The following SALL2 variants were observed in gnomAD, a reference collection of about 807,000 sequenced individuals.
SALL2 encodes the protein spalt like transcription factor 2, also known as sal-like protein 2.
Under a neutral mutation model 58.5 loss-of-function variants are expected in SALL2, and 32 were observed. That is an observed-to-expected ratio of 0.55 (90% confidence interval 0.41 to 0.74). The LOEUF is 0.74. SALL2 is among the 30% of genes least tolerant of loss of function. The pLI, the probability that SALL2 is intolerant of heterozygous loss-of-function variation, is 0.00. For synonymous variants in SALL2, 516 were observed against 513.6 expected (o/e 1.00, Z -0.06); for missense variants, 1,201 against 1,268.9 (o/e 0.95, Z 0.81).
At chr14:21,526,539 A>T (rs1892321196), upstream of SALL2, 3 of 1,119,248 alleles carry the variant, frequency 2.7e-6, no homozygotes, top group South Asian at 7.0e-5. Flanking sequence ...GTCCCTGGCC[A>T]GCTCCCCCCA....
chr14:21,521,653 T>C lies in SALL2; in HGVS notation c.*1051A>G, dbSNP rs1034078765. ...ATAGGTACCAGCAAGCCCTATGTTCTAGCAACATTCCTTAACTCTCTCATC... is the reference window on the plus strand; with the variant it reads ...ATAGGTACCAGCAAGCCCTATGTTCCAGCAACATTCCTTAACTCTCTCATC... On this transcript the variant is annotated 3_prime_UTR_variant, in exon 2 of 2. Coordinates refer to ENST00000537235, the MANE Select transcript of SALL2 (RefSeq NM_001364564.1). 1.3e-5 allele frequency: 3 copies of C among 235,150 alleles called. No individual in the cohort carries two copies. Among genetic ancestry groups the C allele is most frequent in the South Asian group, 7.5e-5 (1 of 13,418 alleles). 14.6% of individuals were successfully genotyped at this position (235,150 alleles called of 1,614,324 possible).
At position 21,524,423 on chromosome 14, in the gene SALL2, G is replaced by A. The variant is rs751424491; in HGVS notation, c.1299C>T (p.His433=). The A allele has an allele frequency of 6.2e-7, 1 of 1,614,242 alleles. No individual in the cohort carries two copies. The highest frequency in any genetic ancestry group is 2.2e-5 in the East Asian group (1 of 44,892). The change falls in exon 2 of 2, where the codon CAC becomes CAT. Residue 433 remains histidine (H), a synonymous_variant. Coordinates refer to ENST00000537235, the MANE Select transcript of SALL2 (RefSeq NM_001364564.1). ...EKYPHVQMNP[H]PVPEHLDYVI... ...CATAGTCTAGGTGCTCTGGTACTGG[G>A]TGTGGGTTCATCTGCACATGTGGGT...
At chr14:21,528,195 G>C (rs1312513357), upstream of SALL2, among the ~76,000 whole-genome samples, 1 of 151,828 alleles carries the variant, frequency 6.6e-6, no homozygotes, top group African/African-American at 2.4e-5. Flanking sequence ...TTTAAAGTTT[G>C]GGGAGTCCTG....
chr14:21,533,572 T>G (rs1009054234), intron 1 of SALL2, among the ~76,000 whole-genome samples: 1 of 150,592 alleles, frequency 6.6e-6, no homozygotes, highest in African/African-American at 2.5e-5. Flanking sequence ...TAATCCAGAT[T>G]TCTAGACTCT....
At position 21,522,896 on chromosome 14, in the gene SALL2, G is replaced by C. The variant is rs376899745; in HGVS notation, c.2826C>G (p.Phe942Leu). The change falls in exon 2 of 2, where the codon TTC (phenylalanine) becomes TTG (leucine). Residue 942 changes from phenylalanine (F) to leucine (L), a missense_variant. Phe to Leu is a conservative substitution (Grantham distance 22). Transcript: ENST00000537235. Reference protein sequence around the residue: ...PKEGPLFTCVFCRQGFLERAT... With the variant: ...PKEGPLFTCVLCRQGFLERAT... ...CCCGCTCAAGAAAGCCCTGCCTGCA[G>C]AAAACACAAGTGAAGAGCGGCCCCT... The C allele has an allele frequency of 2.5e-6, 4 of 1,612,506 alleles. No individual in the cohort carries two copies. Among genetic ancestry groups the C allele is most frequent in the Middle Eastern group, 1.7e-4 (1 of 6,046 alleles).
In SALL2 at chr14:21,522,203, C is replaced by T. The variant is rs1892062999; in HGVS notation, c.*501G>A. 3.1e-6 allele frequency: 5 copies of T among 1,597,280 alleles called. No individual in the cohort carries two copies. Among genetic ancestry groups the T allele is most frequent in the Non-Finnish European group, 4.2e-6 (5 of 1,179,486 alleles). On this transcript the variant is annotated 3_prime_UTR_variant, in exon 2 of 2. Transcript: ENST00000537235. ...TGGAGGTGGAGCTGGAATTCCAGGG[C>T]TTCATGGGCAGGCCATTTGACAGGA...
intron 1 of SALL2, among the ~76,000 whole-genome samples, chr14:21,536,041 T>TA (rs1297073500): frequency 6.6e-6 from 1 of 152,162 alleles, no homozygotes; most frequent in Non-Finnish European, 1.5e-5. Context: ...CTCTGAGCAA[T>TA]TTCACTCTTC....
At position 21,523,354 on chromosome 14, in the gene SALL2, C is replaced by G. The variant is rs772661390; in HGVS notation, c.2368G>C (p.Gly790Arg). 17 of 1,613,562 alleles carry G rather than the reference C, an allele frequency of 1.1e-5. No homozygotes were observed. Among genetic ancestry groups the G allele is most frequent in the Non-Finnish European group, 1.4e-5 (16 of 1,180,042 alleles). Residue 790 changes from glycine to arginine, a missense_variant, in exon 2 of 2, where the codon GGT becomes CGT. This residue lies in a region of SALL2 where 675 missense variants were observed against 683.8 expected (regional missense o/e 0.99). Coordinates refer to ENST00000537235, the MANE Select transcript of SALL2 (RefSeq NM_001364564.1). The surrounding 1 kb of genome is among the most constrained non-coding windows in gnomAD (Gnocchi z 4.4). ...CCTCTCACTGATATTGCCTTCTCAC[C>G]TCCACTCTCTGAGCCTCTCCCTGCC... ...SLAGRGSESG[G>R]EKAISVRGDS...
intron 1 of SALL2, 60 bp downstream of exon 1, chr14:21,526,001 C>CGGGGGGGGGGGGGGGGGGGG: frequency 2.9e-6 from 4 of 1,389,786 alleles, no homozygotes; most frequent in Non-Finnish European, 3.9e-6. Context: ...AAAGTCTTCG[C>CGGGGGGGGGGGGGGGGGGGG]CGCCCCTGCG....
At position 21,522,945 on chromosome 14, in the gene SALL2, T is replaced by C. The variant is rs780167963; in HGVS notation, c.2777A>G (p.Glu926Gly). 6.2e-7 allele frequency: 1 copy of C among 1,614,024 alleles called. No individual in the cohort carries two copies. Among genetic ancestry groups the C allele is most frequent in the Admixed American group, 1.7e-5 (1 of 59,994 alleles). ...QAFPSQAALE[E>G]HQKTHPKEGP... ...CTCCTTGGGGTGGGTCTTCTGATGC[T>C]CCTCCAGAGCTGCCTGGGAGGGAAA... is the stretch of plus-strand genomic sequence containing the variant. Residue 926 changes from glutamate to glycine, a missense_variant, in exon 2 of 2, where the codon GAG becomes GGG. Around this residue, in one of 3 missense-constraint regions of SALL2, gnomAD observed 675 missense variants for 683.8 expected, o/e 0.99. Coordinates refer to ENST00000537235, the MANE Select transcript of SALL2 (RefSeq NM_001364564.1).
rs766701360 is a variant in SALL2 at position 21,521,883 on chromosome 14, G to T, written c.*821C>A. On this transcript the variant is annotated 3_prime_UTR_variant, in exon 2 of 2. Transcript: ENST00000537235. ...AATGTGACCATCAGGGGATTTACTG[G>T]GAAAATTTTCCTATGCCCTTCCTTC... 1.7e-5 allele frequency: 21 copies of T among 1,235,152 alleles called. No individual in the cohort carries two copies. The highest frequency in any genetic ancestry group is 2.0e-4 in the Middle Eastern group (1 of 5,072). 76.5% of individuals were successfully genotyped at this position (1,235,152 alleles called of 1,614,324 possible).
chr14:21,522,411 G>T lies in SALL2; in HGVS notation c.*293C>A. ...AAGGGAAAGGGAGAGGAGAGAGGAG[G>T]GGGAAGAAGGGTCACACCAGGGAAG... On this transcript the variant is annotated 3_prime_UTR_variant, in exon 2 of 2. Coordinates refer to ENST00000537235, the MANE Select transcript of SALL2 (RefSeq NM_001364564.1). 1 of 1,412,472 alleles carries T rather than the reference G, an allele frequency of 7.1e-7. No homozygotes were observed. Among genetic ancestry groups the T allele is most frequent in the Non-Finnish European group, 9.2e-7 (1 of 1,086,432 alleles). The allele number at this position is 1,412,472 out of a possible 1,614,324, so 87.5% of individuals were successfully genotyped here.
In SALL2 at chr14:21,526,100, G is replaced by T. The variant is rs756161283; in HGVS notation, c.28C>A (p.Arg10Ser). ...GGCTCCCCGCAGGGCACCCCGAGACGAGAGCTCCTCTCGGATTCGTGCGCC... is the reference window on the plus strand; with the variant it reads ...GGCTCCCCGCAGGGCACCCCGAGACTAGAGCTCCTCTCGGATTCGTGCGCC... The part of the protein sequence containing the change: MAHESERSS[R>S]LGVPCGEPAE... Residue 10 changes from arginine to serine, a missense_variant, in exon 1 of 2, where the codon CGT (arginine) becomes AGT (serine). By Grantham distance (110) the Arg-to-Ser change is moderately radical. Around this residue, in one of 3 missense-constraint regions of SALL2, gnomAD observed 467 missense variants for 468.9 expected, o/e 1.00. Transcript: ENST00000537235. 7.5e-5 allele frequency: 116 copies of T among 1,538,754 alleles called. No individual in the cohort carries two copies. The African/African-American group carries it at 1.4e-3, about 18-fold the overall frequency.
Position 21,522,530 on chromosome 14 carries a change from C to A in SALL2, c.*174G>T, listed in dbSNP as rs1892079539. The A allele has an allele frequency of 1.4e-6, 2 of 1,384,662 alleles. No individual in the cohort carries two copies. Among genetic ancestry groups the A allele is most frequent in the African/African-American group, 2.9e-5 (2 of 69,038 alleles). 85.8% of individuals were successfully genotyped at this position (1,384,662 alleles called of 1,614,324 possible). On this transcript the variant is annotated 3_prime_UTR_variant, in exon 2 of 2. Transcript: ENST00000537235. ...AAGAAAAATTCCTTAGGGGGCCATC[C>A]CCTTGTAAGCACAGTAATTTCCAAG...
Position 21,523,818 on chromosome 14 carries a change from A to T in SALL2, c.1904T>A (p.Leu635His). 1 of 1,614,182 alleles carries T rather than the reference A, an allele frequency of 6.2e-7. No individual in the cohort carries two copies. ...SSGPNQCVIC[L>H]RVLSCPRALR... ...GGCCCGAGGACAGCTAAGCACTCGG[A>T]GACAGATGACACACTGGTTAGGTCC... The change falls in exon 2 of 2, where the codon CTC (leucine) becomes CAC (histidine). Residue 635 changes from leucine to histidine, a missense_variant. Transcript: ENST00000537235. The surrounding 1 kb of genome is among the most constrained non-coding windows in gnomAD (Gnocchi z 4.4).
At position 21,523,487 on chromosome 14, in the gene SALL2, A is replaced by T; in HGVS notation, c.2235T>A (p.Ser745Arg). The change falls in exon 2 of 2, where the codon AGT becomes AGA. Residue 745 changes from serine (S) to arginine (R), a missense_variant. Physicochemically the swap from Ser to Arg is moderately radical, Grantham distance 110 (BLOSUM62 -1). Coordinates refer to ENST00000537235, the MANE Select transcript of SALL2 (RefSeq NM_001364564.1). This position sits in a 1 kb window ranked among gnomAD's most constrained non-coding sequence, Gnocchi z 4.4. ...SEQSTVSGAR[S>R]FPQQQSQQPS... ...GCTGCTGGGACTGCTGCTGGGGGAA[A>T]CTCCGTGCCCCGGAGACTGTAGATT... The T allele has an allele frequency of 6.2e-7, 1 of 1,613,792 alleles. No homozygotes were observed. The highest frequency in any genetic ancestry group is 8.5e-7 in the Non-Finnish European group (1 of 1,179,970).
rs191602684 is a variant in SALL2 at position 21,521,675 on chromosome 14, C to T, written c.*1029G>A. 5 of 255,674 alleles carry T rather than the reference C, an allele frequency of 2.0e-5. No individual in the cohort carries two copies. Among genetic ancestry groups the T allele is most frequent in the East Asian group, 1.7e-4 (2 of 11,708 alleles). The allele number at this position is 255,674 out of a possible 1,614,324, so 15.8% of individuals were successfully genotyped here. ...TTCTAGCAACATTCCTTAACTCTCT[C>T]ATCATTAGTTCATCAACCATGCTGA... On this transcript the variant is annotated 3_prime_UTR_variant, in exon 2 of 2. Transcript: ENST00000537235.
upstream of SALL2, among the ~76,000 whole-genome samples, chr14:21,531,107 C>T (rs191170698): frequency 6.9e-4 from 105 of 152,334 alleles, 3 homozygotes; most frequent in East Asian, 0.014. Context: ...CTATGTAACA[C>T]AGTAGACTAA....
At chr14:21,526,476 C>A, upstream of SALL2, 1 of 1,271,904 alleles carries the variant, frequency 7.9e-7, no homozygotes, top group Non-Finnish European at 1.0e-6. Flanking sequence ...GGGAGAGTTT[C>A]CGGAGGCGCA....
Sources: gnomAD v4.1 joint callset for allele counts (sites outside exome capture counted in the v4.1 genomes callset) on GRCh38, gnomAD v4.1.1 for gene constraint, gnomAD v4.1.1 regional missense constraint, Gnocchi (gnomAD v3.1) non-coding constraint, MANE v1.5 for transcripts, NCBI Gene and HGNC (gene_info 2026-07-23, HGNC 2026-07-21) for gene names.